Variants in TENM2 observed in about 807,000 individuals in gnomAD.
The protein encoded by TENM2 is teneurin transmembrane protein 2.
A neutral mutation model predicts 245.2 loss-of-function variants in TENM2; 52 were observed. The observed-to-expected ratio is 0.21, with a 90% CI of 0.17 to 0.27. The LOEUF (loss-of-function observed/expected upper bound fraction) is 0.27, where lower values mean the gene tolerates loss of function less well. TENM2 is among the 10% of genes least tolerant of loss of function. TENM2 has a pLI of 1.00. For synonymous variants in TENM2, 1,363 were observed against 1,438.9 expected, an observed-to-expected ratio of 0.95 and a Z score of 1.19; for missense variants, 3,046 against 3,666.8, an observed-to-expected ratio of 0.83 and a Z score of 4.37.
chr5:167,231,498 A>G, the TENM2 span, among the ~76,000 whole-genome samples: 1 of 152,202 alleles, frequency 6.6e-6, no homozygotes, highest in Non-Finnish European at 1.5e-5. Context: ...CTCCTCCCCT[A>G]GAGATCTTTG....
Position 167,592,501 on chromosome 5 carries a change from G to A in TENM2, c.502+217028G>A, listed in dbSNP as rs147137344. Among the ~76,000 whole-genome samples the A allele has an allele frequency of 7.9e-3, 1,201 of 152,218 alleles. 7 individuals carry two copies. Among genetic ancestry groups the A allele is most frequent in the Non-Finnish European group, 0.012 (799 of 68,000 alleles). On this transcript the variant is annotated intron_variant, in intron 2 of 28. Coordinates refer to ENST00000518659, the Ensembl canonical transcript of TENM2. ...CAGCCCAGAGCCTTCCTGACATTTT[G>A]TCCCTTCAGCATATTTAAAACCATC... is the stretch of plus-strand genomic sequence containing the variant.
intron 25 of TENM2, among the ~76,000 whole-genome samples, chr5:168,239,739 T>C (rs1765918883): frequency 6.6e-6 from 1 of 152,190 alleles, no homozygotes; most frequent in Non-Finnish European, 1.5e-5. Context: ...GTCTTTCCCA[T>C]GATTACATAT....
intron 1 of TENM2, among the ~76,000 whole-genome samples, chr5:167,346,537 G>C (rs1175208970): frequency 6.6e-6 from 1 of 152,174 alleles, no homozygotes; most frequent in Non-Finnish European, 1.5e-5. Context: ...GCAAAATAGA[G>C]TTCTCCGAGG....
chr5:167,463,430 A>C (rs1766446376), intron 2 of TENM2, among the ~76,000 whole-genome samples: 1 of 152,202 alleles, frequency 6.6e-6, no homozygotes, highest in Non-Finnish European at 1.5e-5. Flanking sequence ...CTTGTACTCA[A>C]AAACAAGTTA....
At chr5:168,141,719 T>A (rs1320513185) in intron 12 of TENM2, among the ~76,000 whole-genome samples, 1 of 152,210 alleles carries the variant, frequency 6.6e-6, no homozygotes, top group East Asian at 1.9e-4. Context: ...CCTAAGTGTA[T>A]AGGGAGAAAT....
chr5:167,417,952 C>T (rs1763257039), intron 2 of TENM2, among the ~76,000 whole-genome samples: 1 of 152,190 alleles, frequency 6.6e-6, no homozygotes, highest in African/African-American at 2.4e-5. Flanking sequence ...ATTTGTTTTA[C>T]TGCATTAATT....
chr5:167,981,740 TG>T (rs1345025193), intron 4 of TENM2, among the ~76,000 whole-genome samples: 2 of 152,124 alleles, frequency 1.3e-5, no homozygotes, highest in African/African-American at 4.8e-5. Flanking sequence ...GCCAGCACTT[TG>T]GGACGGCAGA....
At chr5:167,769,057 T>C (rs12657288) in intron 2 of TENM2, among the ~76,000 whole-genome samples, 1 of 151,994 alleles carries the variant, frequency 6.6e-6, no homozygotes, top group Non-Finnish European at 1.5e-5. Flanking sequence ...CTATGGAATC[T>C]CCTTTTTAAA....
At chr5:167,547,120 T>G (rs565019368) in intron 2 of TENM2, among the ~76,000 whole-genome samples, 4 of 152,298 alleles carry the variant, frequency 2.6e-5, no homozygotes, top group African/African-American at 9.6e-5. Context: ...AATTTCAGTC[T>G]TGTTGTCCAG....
chr5:167,406,304 GAC>G (rs1422575373), intron 2 of TENM2, among the ~76,000 whole-genome samples: 1 of 152,110 alleles, frequency 6.6e-6, no homozygotes, highest in East Asian at 1.9e-4. Context: ...TTTACAGCCT[GAC>G]ATTAGGCACC....
the TENM2 span, among the ~76,000 whole-genome samples, chr5:167,117,147 A>G: frequency 6.6e-6 from 1 of 152,344 alleles, no homozygotes; most frequent in African/African-American, 2.4e-5. Flanking sequence ...CTCAATAAAT[A>G]TCTGTTAAGT....
chr5:166,999,368 A>G, the TENM2 span, among the ~76,000 whole-genome samples: 1 of 152,200 alleles, frequency 6.6e-6, no homozygotes, highest in Admixed American at 6.5e-5. Flanking sequence ...TTACTGAGAA[A>G]GTGTCTTTTA....
At chr5:167,891,978 A>G (rs1193304824) in intron 3 of TENM2, among the ~76,000 whole-genome samples, 1 of 152,126 alleles carries the variant, frequency 6.6e-6, no homozygotes, top group Non-Finnish European at 1.5e-5. Context: ...AAAGATTCCA[A>G]CTTTTACAAA....
intron 2 of TENM2, among the ~76,000 whole-genome samples, chr5:167,679,675 A>G (rs1406258795): frequency 6.6e-6 from 1 of 152,208 alleles, no homozygotes; most frequent in Non-Finnish European, 1.5e-5. Flanking sequence ...GAAACATGTT[A>G]TTAGAAATTG....
the TENM2 span, among the ~76,000 whole-genome samples, chr5:166,979,203 G>C: frequency 2.4e-4 from 27 of 111,454 alleles, no homozygotes; most frequent in African/African-American, 7.0e-4. Flanking sequence ...ACCAGCAGCA[G>C]CAGCAGCAGC....
chr5:166,991,421 AT>A, the TENM2 span, among the ~76,000 whole-genome samples: 40 of 151,670 alleles, frequency 2.6e-4, no homozygotes, highest in African/African-American at 8.9e-4. Context: ...AGATAATTTT[AT>A]TTAAAATTGC....
rs369264065 is a variant in TENM2, at chr5:168,215,139, T to C, written c.3945T>C (p.Ser1315=). The change falls in exon 21 of 29, where the codon TCT becomes TCC. Residue 1315 remains serine, a synonymous_variant. Transcript: ENST00000518659. ...GCAGGAGAATCTACCGCGTCAAGTC[T>C]CTGAGTGGAACCAAAGACCTGGCTG... The C allele has an allele frequency of 8.9e-5, 143 of 1,613,836 alleles. 1 individual carries two copies. The Middle Eastern group carries it at 1.5e-3, about 17-fold the overall frequency.
intron 2 of TENM2, among the ~76,000 whole-genome samples, chr5:167,705,580 G>C (rs915530411): frequency 2.0e-5 from 3 of 152,086 alleles, no homozygotes; most frequent in Admixed American, 6.5e-5. Context: ...ATTGGCTGTG[G>C]TGGGGAGGGG....
At chr5:168,015,717 C>T (rs1785595437) in intron 5 of TENM2, among the ~76,000 whole-genome samples, 1 of 152,178 alleles carries the variant, frequency 6.6e-6, no homozygotes, top group African/African-American at 2.4e-5. Context: ...AGTCAGCAAA[C>T]AGCCATGAGA....
Sources: gnomAD v4.1 joint callset for allele counts (sites outside exome capture counted in the v4.1 genomes callset) on GRCh38, gnomAD v4.1.1 for gene constraint, MANE v1.5 for transcripts, NCBI Gene and HGNC (gene_info 2026-07-23, HGNC 2026-07-21) for gene names.